The following RYR2 variants were observed in gnomAD, a reference collection of about 807,000 sequenced individuals.
The protein encoded by RYR2 is ryanodine receptor 2, also known as cardiac muscle ryanodine receptor-calcium release channel.
RYR2 carries 227 observed loss-of-function variants against 601.1 expected under a neutral mutation model. That is an observed-to-expected ratio of 0.38 (90% CI 0.34 to 0.42). RYR2 has a LOEUF of 0.42. Ranked by LOEUF, RYR2 falls within the 10% of genes least tolerant of loss-of-function variation. The pLI, the probability that RYR2 is intolerant of heterozygous loss-of-function variation, is 1.00. For synonymous variants in RYR2, 2,223 were observed against 2,175.1 expected (o/e 1.02, Z -0.61); for missense variants, 4,646 against 6,156.5 (o/e 0.75, Z 8.21).
intron 52 of RYR2, among the ~76,000 whole-genome samples, chr1:237,654,736 T>C (rs1232886442): frequency 6.6e-6 from 1 of 152,136 alleles, no homozygotes; most frequent in African/African-American, 2.4e-5. Flanking sequence ...TCCAATCTTA[T>C]AAAGGCCAAA....
At chr1:237,644,303 G>GCTCACTGCAATCTCTGC (rs1681894404) in intron 48 of RYR2, among the ~76,000 whole-genome samples, 1 of 152,024 alleles carries the variant, frequency 6.6e-6, no homozygotes, top group Admixed American at 6.5e-5. Flanking sequence ...CGCGATCTTG[G>GCTCACTGCAATCTCTGC]CTCACTGCAA....
Position 237,150,992 on chromosome 1 carries a change from A to G in RYR2, c.48+108423A>G, listed in dbSNP as rs1572023258. Among the ~76,000 whole-genome samples, 5 of 152,178 alleles carry G rather than the reference A, an allele frequency of 3.3e-5. No homozygotes were observed. The East Asian group carries it at 9.6e-4, about 29-fold the overall frequency. ...TTTAGATCTCAGGGTTTCGATTTTG[A>G]AAGTGAGTTTAAACAAATACACAGG... is the stretch of plus-strand genomic sequence containing the variant. On this transcript the variant is annotated intron_variant, in intron 1 of 104. Coordinates refer to ENST00000366574, the MANE Select transcript of RYR2 (RefSeq NM_001035.3).
intron 1 of RYR2, among the ~76,000 whole-genome samples, chr1:237,251,632 C>T (rs1278559984): frequency 6.6e-6 from 1 of 152,156 alleles, no homozygotes; most frequent in Non-Finnish European, 1.5e-5. Context: ...TATTCATTCC[C>T]TTAGTGATCT....
chr1:237,625,768 G>A lies in RYR2; in HGVS notation c.6130G>A (p.Ala2044Thr), dbSNP rs1177771426. 3 of 1,613,592 alleles carry A rather than the reference G, an allele frequency of 1.9e-6. No individual in the cohort carries two copies. ...GGTGACATATCTGAAGAAGAAGCAA[G>A]CAGAAAAACCAGTTGAGAGTGACTC... ...EKVTYLKKKQ[A>T]EKPVESDSKK... Residue 2044 changes from alanine (A) to threonine (T), a missense_variant, in exon 40 of 105, where the codon GCA becomes ACA. Coordinates refer to ENST00000366574, the MANE Select transcript of RYR2 (RefSeq NM_001035.3).
chr1:237,561,423 A>G (rs1196724107), intron 27 of RYR2, among the ~76,000 whole-genome samples: 1 of 152,230 alleles, frequency 6.6e-6, no homozygotes. Flanking sequence ...TCAGAGTTAG[A>G]TGTTGAAAGG....
At chr1:237,520,647 A>G (rs1284913513) in intron 24 of RYR2, among the ~76,000 whole-genome samples, 1 of 152,218 alleles carries the variant, frequency 6.6e-6, no homozygotes, top group African/African-American at 2.4e-5. Flanking sequence ...TGTCCCTGAT[A>G]AAAACCCACT....
intron 2 of RYR2, among the ~76,000 whole-genome samples, chr1:237,329,850 C>A (rs937107815): frequency 9.9e-5 from 15 of 151,082 alleles, no homozygotes; most frequent in Non-Finnish European, 1.5e-4. Context: ...ATTGAGATAG[C>A]GGTTTAAGAG....
intron 1 of RYR2, among the ~76,000 whole-genome samples, chr1:237,150,553 A>G (rs1674593595): frequency 6.6e-6 from 1 of 152,224 alleles, no homozygotes; most frequent in Admixed American, 6.5e-5. Flanking sequence ...AAGAACTGAA[A>G]ACAATGACAA....
intron 41 of RYR2, among the ~76,000 whole-genome samples, chr1:237,629,475 A>G (rs975280694): frequency 1.7e-4 from 26 of 152,114 alleles, no homozygotes; most frequent in African/African-American, 6.3e-4. Context: ...ACAATACCTA[A>G]ACATAAAAAT....
intron 79 of RYR2, 59 bp from the exon 80 acceptor site, chr1:237,742,237 G>A: frequency 8.8e-7 from 1 of 1,136,124 alleles, no homozygotes; most frequent in Non-Finnish European, 1.3e-6. Flanking sequence ...ATGTTCTTTT[G>A]CACTTTCTAA....
intron 14 of RYR2, among the ~76,000 whole-genome samples, chr1:237,448,810 CA>C (rs1558836058): frequency 1.3e-5 from 2 of 151,940 alleles, no homozygotes; most frequent in Admixed American, 6.6e-5. Flanking sequence ...AGTTTCCCCC[CA>C]CCCCACCTTT....
intron 10 of RYR2, among the ~76,000 whole-genome samples, chr1:237,410,528 T>G (rs1017164414): frequency 2.0e-5 from 3 of 151,948 alleles, no homozygotes; most frequent in Non-Finnish European, 4.4e-5. Flanking sequence ...GCCCACTGCC[T>G]TTTTTTGCAA....
rs10559743 is a variant in RYR2, at chr1:237,174,063, C to CA, written c.49-96424dup. Among the ~76,000 whole-genome samples the CA allele has an allele frequency of 7.2e-4, 110 of 151,868 alleles. 2 individuals carry two copies. The South Asian group carries it at 0.021, about 30-fold the overall frequency. On this transcript the variant is annotated intron_variant, in intron 1 of 104. Coordinates refer to ENST00000366574, the MANE Select transcript of RYR2 (RefSeq NM_001035.3). ...CAGGGCAAGACTCCATCTCAAAAAA[C>CA]AAAAAAAAAAGAGTATTGGTGTCAT... is the stretch of plus-strand genomic sequence containing the variant.
chr1:237,061,709 T>C (rs57167153), intron 1 of RYR2, among the ~76,000 whole-genome samples: 2,863 of 152,254 alleles, frequency 0.019, 87 homozygotes, highest in African/African-American at 0.064. Flanking sequence ...CTCTTGCTTT[T>C]CCCCCCTCTG....
chr1:237,597,419 T>G (rs2148485523), intron 34 of RYR2, among the ~76,000 whole-genome samples: 1 of 151,760 alleles, frequency 6.6e-6, no homozygotes, highest in Non-Finnish European at 1.5e-5. Flanking sequence ...GTAGCTGGGA[T>G]TATAGGCATG....
At chr1:237,348,175 G>A (rs1423996859) in intron 3 of RYR2, among the ~76,000 whole-genome samples, 1 of 152,048 alleles carries the variant, frequency 6.6e-6, no homozygotes, top group Non-Finnish European at 1.5e-5. Context: ...TTATTATTAC[G>A]AGACAGGGTC....
At chr1:237,789,858 G>A (rs550910459) in intron 92 of RYR2, among the ~76,000 whole-genome samples, 3 of 152,260 alleles carry the variant, frequency 2.0e-5, no homozygotes, top group South Asian at 2.1e-4. Context: ...TGAGAGCTCA[G>A]CCTAGCTAAC....
intron 1 of RYR2, among the ~76,000 whole-genome samples, chr1:237,127,489 C>T (rs1164548872): frequency 1.3e-4 from 20 of 150,170 alleles, no homozygotes; most frequent in South Asian, 4.2e-4. Flanking sequence ...CCTTCCCGGA[C>T]GGGGCGGCTG....
chr1:237,784,815 A>G lies in RYR2; in HGVS notation c.13103A>G (p.Glu4368Gly), dbSNP rs1483523927. 6 of 1,613,436 alleles carry G rather than the reference A, an allele frequency of 3.7e-6. No homozygotes were observed. The highest frequency in any genetic ancestry group is 4.2e-6 in the Non-Finnish European group (5 of 1,179,628). Reference sequence around the variant, plus strand: ...TCCGAGGATCTGACCGACTTAAAGGAGCTGACAGAGGAAAGTGACCTTCTT... The same window carrying G: ...TCCGAGGATCTGACCGACTTAAAGGGGCTGACAGAGGAAAGTGACCTTCTT... ...LPSEDLTDLK[E>G]LTEESDLLSD... is the part of the protein sequence containing the mutation. Residue 4368 changes from glutamate to glycine, a missense_variant, in exon 90 of 105, where the codon GAG becomes GGG. Coordinates refer to ENST00000366574, the MANE Select transcript of RYR2 (RefSeq NM_001035.3). The surrounding 1 kb of genome is among the most constrained non-coding windows in gnomAD (Gnocchi z 7.1).
Sources: gnomAD v4.1 joint callset for allele counts (sites outside exome capture counted in the v4.1 genomes callset) on GRCh38, gnomAD v4.1.1 for gene constraint, Gnocchi (gnomAD v3.1) non-coding constraint, MANE v1.5 for transcripts, NCBI Gene and HGNC (gene_info 2026-07-23, HGNC 2026-07-21) for gene names.